The following ZBTB8A variants were observed in gnomAD, a reference collection of about 807,000 sequenced individuals.
The protein encoded by ZBTB8A is zinc finger and BTB domain-containing protein 8A.
In ZBTB8A, 19 loss-of-function variants were observed where a neutral mutation model predicts 37.8. The observed-to-expected ratio is 0.50, with a 90% CI of 0.35 to 0.74. ZBTB8A has a LOEUF of 0.74. Among genes scored for constraint, ZBTB8A ranks in the 30% least tolerant of loss-of-function variants. The pLI is 0.01. For missense variants in ZBTB8A, 394 were observed against 537.8 expected, an observed-to-expected ratio of 0.73 and a Z score of 2.65; for synonymous variants, 181 against 185.2, an observed-to-expected ratio of 0.98 and a Z score of 0.19.
At chr1:32,542,890 C>T (rs1413253189) in intron 1 of ZBTB8A, among the ~76,000 whole-genome samples, 3 of 152,156 alleles carry the variant, frequency 2.0e-5, no homozygotes, top group Non-Finnish European at 4.4e-5. Flanking sequence ...CGTATAAAGT[C>T]ACTCTACTGA....
intron 2 of ZBTB8A, among the ~76,000 whole-genome samples, chr1:32,570,863 C>T (rs538865835): frequency 2.1e-4 from 31 of 151,162 alleles, no homozygotes; most frequent in African/African-American, 7.3e-4. Context: ...CCTTGTTACT[C>T]TTTATGCCTG....
intron 1 of ZBTB8A, among the ~76,000 whole-genome samples, chr1:32,549,883 A>T (rs1229423785): frequency 6.6e-6 from 1 of 152,296 alleles, no homozygotes; most frequent in East Asian, 1.9e-4. Context: ...AAAAAATACA[A>T]TGTTTCCATA....
intron 1 of ZBTB8A, among the ~76,000 whole-genome samples, chr1:32,550,415 G>A (rs1215666620): frequency 6.6e-6 from 1 of 151,856 alleles, no homozygotes; most frequent in Admixed American, 6.6e-5. Flanking sequence ...CCAGGAGTTC[G>A]AGACCACCCT....
At chr1:32,581,611 C>T (rs915739869) in intron 2 of ZBTB8A, among the ~76,000 whole-genome samples, 2 of 151,950 alleles carry the variant, frequency 1.3e-5, no homozygotes, top group Non-Finnish European at 2.9e-5. Context: ...CTCGGCCTCC[C>T]AAAGTGCTAG....
intron 1 of ZBTB8A, among the ~76,000 whole-genome samples, chr1:32,545,369 T>C (rs935572656): frequency 6.6e-6 from 1 of 152,206 alleles, no homozygotes; most frequent in African/African-American, 2.4e-5. Flanking sequence ...TGCTTATTTC[T>C]ATTTGTCTTA....
intron 2 of ZBTB8A, among the ~76,000 whole-genome samples, chr1:32,592,485 A>G (rs1391978451): frequency 6.6e-6 from 1 of 151,442 alleles, no homozygotes; most frequent in Non-Finnish European, 1.5e-5. Context: ...GGTTGCAGTG[A>G]GCTTTTTTTG....
At chr1:32,558,550 C>G (rs1644220902) in intron 2 of ZBTB8A, among the ~76,000 whole-genome samples, 1 of 151,762 alleles carries the variant, frequency 6.6e-6, no homozygotes, top group African/African-American at 2.4e-5. Flanking sequence ...GAAAAGAAAT[C>G]ATGTAGGGAG....
At chr1:32,586,913 G>A (rs142580698) in intron 2 of ZBTB8A, among the ~76,000 whole-genome samples, 65 of 152,142 alleles carry the variant, frequency 4.3e-4, no homozygotes, top group Admixed American at 1.3e-3. Context: ...TGTGGCTGCT[G>A]TATTCAGACT....
At chr1:32,562,128 T>G (rs1468142714) in intron 2 of ZBTB8A, among the ~76,000 whole-genome samples, 1 of 150,696 alleles carries the variant, frequency 6.6e-6, no homozygotes, top group Non-Finnish European at 1.5e-5. Context: ...TTTGTTTTTT[T>G]TTTTTTTTGT....
chr1:32,593,847 A>AG, intron 3 of ZBTB8A, 93 bp downstream of exon 3: 3 of 932,504 alleles, frequency 3.2e-6, no homozygotes, highest in Non-Finnish European at 4.8e-6. Context: ...CAGGTGCTCT[A>AG]AGCAGTTGAA....
chr1:32,559,357 C>T (rs1570325041), intron 2 of ZBTB8A, among the ~76,000 whole-genome samples: 1 of 152,188 alleles, frequency 6.6e-6, no homozygotes, highest in Admixed American at 6.6e-5. Flanking sequence ...AGTGAGCCAC[C>T]TGCCTTGGCC....
rs561924047 is a variant in ZBTB8A at position 32,599,192 on chromosome 1, AC to A, written c.994-889del. Among the ~76,000 whole-genome samples, 526 of 151,862 alleles carry A rather than the reference AC, an allele frequency of 3.5e-3. 4 individuals are homozygous for A. Among genetic ancestry groups the A allele is most frequent in the African/African-American group, 0.012 (499 of 41,408 alleles). On this transcript the variant is annotated intron_variant, in intron 4 of 4. Coordinates refer to ENST00000373510, the MANE Select transcript of ZBTB8A (RefSeq NM_001040441.3). ...TAATACACAAAACAAGAGAGATTGC[AC>A]CCCCCGCCCCCACCTCAAATTAAGA...
Position 32,568,873 on chromosome 1 carries a change from A to G in ZBTB8A, c.-2+15333A>G, listed in dbSNP as rs74672548. ...TACTACAATTTATTTATTCACCAGC[A>G]GACGCACATTTTATTTCCAATTTGG... On this transcript the variant is annotated intron_variant, in intron 2 of 4. Transcript: ENST00000373510. Among the ~76,000 whole-genome samples, 770 of 152,318 alleles carry G rather than the reference A, an allele frequency of 5.1e-3. 10 individuals are homozygous for G. The highest frequency in any genetic ancestry group is 0.043 in the East Asian group (225 of 5,188).
At chr1:32,554,326 C>A (rs893160686) in intron 2 of ZBTB8A, among the ~76,000 whole-genome samples, 9 of 150,556 alleles carry the variant, frequency 6.0e-5, no homozygotes, top group African/African-American at 1.7e-4. Flanking sequence ...TCTCCCTGTT[C>A]ACTGATTGCT....
At chr1:32,576,035 A>G (rs1393944201) in intron 2 of ZBTB8A, among the ~76,000 whole-genome samples, 8 of 152,230 alleles carry the variant, frequency 5.3e-5, no homozygotes, top group African/African-American at 1.9e-4. Context: ...AGAGCTTCAT[A>G]TATAGCAGAT....
In ZBTB8A at chr1:32,600,077, C is replaced by T. The variant is rs756994468; in HGVS notation, c.994-10C>T. ...AAATCACTTTTATCACTATTTAAAT[C>T]TCTACACAGATTCACCAGGCATGTA... On this transcript the variant is annotated splice_polypyrimidine_tract_variant and intron_variant, in intron 4 of 4. Transcript: ENST00000373510. 3.7e-6 allele frequency: 6 copies of T among 1,605,692 alleles called. No individual in the cohort carries two copies. The East Asian group carries it at 1.1e-4, about 30-fold the overall frequency.
intron 1 of ZBTB8A, among the ~76,000 whole-genome samples, chr1:32,540,416 A>G (rs894263536): frequency 6.6e-6 from 1 of 152,190 alleles, no homozygotes; most frequent in Non-Finnish European, 1.5e-5. Flanking sequence ...ACAACTTTAA[A>G]TGGAGTGCTT....
At chr1:32,584,786 C>T (rs1644433944) in intron 2 of ZBTB8A, among the ~76,000 whole-genome samples, 1 of 151,732 alleles carries the variant, frequency 6.6e-6, no homozygotes, top group Admixed American at 6.6e-5. Context: ...TCCCAAAGTG[C>T]CGCGATTAGA....
chr1:32,561,527 C>A (rs140182372), intron 2 of ZBTB8A, among the ~76,000 whole-genome samples: 1 of 152,242 alleles, frequency 6.6e-6, no homozygotes, highest in African/African-American at 2.4e-5. Context: ...CTTCTGTCTT[C>A]ACGTGGTGCT....
Sources: gnomAD v4.1 joint callset for allele counts (sites outside exome capture counted in the v4.1 genomes callset) on GRCh38, gnomAD v4.1.1 for gene constraint, MANE v1.5 for transcripts, NCBI Gene and HGNC (gene_info 2026-07-23, HGNC 2026-07-21) for gene names.